The following ARL6IP4 variants were observed in gnomAD, a reference collection of about 807,000 sequenced individuals.
ARL6IP4 encodes the protein ADP-ribosylation factor-like protein 6-interacting protein 4.
In ARL6IP4, 24 loss-of-function variants were observed where a neutral mutation model predicts 28.1. The observed-to-expected ratio is 0.86, with a 90% CI of 0.62 to 1.20. ARL6IP4 has a LOEUF of 1.20. ARL6IP4 is among the 50% of genes most tolerant of loss of function. The pLI is 0.00. For synonymous variants in ARL6IP4, 162 were observed against 122.3 expected, an observed-to-expected ratio of 1.32 and a Z score of -2.14; for missense variants, 343 against 302.4, an observed-to-expected ratio of 1.13 and a Z score of -1.00.
intron 1 of ARL6IP4, 153 bp from the exon 2 acceptor site, chr12:122,980,976 C>T (rs1360178860): frequency 2.9e-6 from 4 of 1,386,972 alleles, no homozygotes; most frequent in Non-Finnish European, 3.7e-6. Flanking sequence ...ACCGGGGTCC[C>T]CAGCGCTGGG....
chr12:122,981,361 A>T, intron 2 of ARL6IP4, 62 bp downstream of exon 2: 1 of 1,502,018 alleles, frequency 6.7e-7, no homozygotes, highest in Non-Finnish European at 8.9e-7. Context: ...TCGGGCGAGC[A>T]GTGGTCGGGG....
Position 122,982,627 on chromosome 12 carries a change from C to A in ARL6IP4, c.665C>A (p.Thr222Asn). 1 of 1,614,148 alleles carries A rather than the reference C, an allele frequency of 6.2e-7. No individual in the cohort carries two copies. Among genetic ancestry groups the A allele is most frequent in the African/African-American group, 1.3e-5 (1 of 75,054 alleles). The change falls in exon 6 of 6, where the codon ACC becomes AAC. Residue 222 changes from threonine to asparagine, a missense_variant. By Grantham distance (65) the Thr-to-Asn change is moderately conservative. Coordinates refer to ENST00000315580, the MANE Select transcript of ARL6IP4 (RefSeq NM_018694.4). ...GTGTGCTTTCTTCCCCAGCAAGCCA[C>A]CCGAGGGGACTGCCTGGCCTTCCAG... ...ERHREINKQA[T>N]RGDCLAFQMR...
At position 122,982,541 on chromosome 12, in the gene ARL6IP4, G is replaced by T; in HGVS notation, c.657+3G>T. ...AACGACACAGAGAGATCAACAAGGT[G>T]GGTGTGGCCCCTCTGCCTGCCATCC... On this transcript the variant is annotated splice_donor_region_variant and intron_variant, in intron 5 of 5. Coordinates refer to ENST00000315580, the MANE Select transcript of ARL6IP4 (RefSeq NM_018694.4). 1 of 1,614,176 alleles carries T rather than the reference G, an allele frequency of 6.2e-7. No individual in the cohort carries two copies. The highest frequency in any genetic ancestry group is 8.5e-7 in the Non-Finnish European group (1 of 1,180,022).
chr12:122,980,343 C>G, upstream of ARL6IP4: 1 of 1,306,858 alleles, frequency 7.7e-7, no homozygotes, highest in South Asian at 2.9e-5. Flanking sequence ...ACTGGGTGGG[C>G]GCGTCGGAAA....
At chr12:122,981,466 G>A in intron 2 of ARL6IP4, 105 bp from the exon 3 acceptor site, 2 of 1,395,662 alleles carry the variant, frequency 1.4e-6, no homozygotes, top group Non-Finnish European at 1.9e-6. Flanking sequence ...CTCCATCTCT[G>A]TTCTGGAAAG....
intron 4 of ARL6IP4, 56 bp downstream of exon 4, chr12:122,982,130 T>TG (rs1460708356): frequency 6.3e-7 from 1 of 1,584,082 alleles, no homozygotes; most frequent in Non-Finnish European, 8.7e-7. Flanking sequence ...TGGCTGAAGA[T>TG]GTGTGCTCTC....
rs1487609423 is a variant in ARL6IP4 at position 122,982,626 on chromosome 12, A to G, written c.664A>G (p.Thr222Ala). ...ERHREINKQA[T>A]RGDCLAFQMR... ...TGTGTGCTTTCTTCCCCAGCAAGCC[A>G]CCCGAGGGGACTGCCTGGCCTTCCA... The change falls in exon 6 of 6, where the codon ACC becomes GCC. Residue 222 changes from threonine to alanine, a missense_variant. Transcript: ENST00000315580. 6.2e-7 allele frequency: 1 copy of G among 1,613,932 alleles called. No individual in the cohort carries two copies.
In ARL6IP4 at chr12:122,980,714, G is replaced by A; in HGVS notation, c.-43G>A. The A allele has an allele frequency of 7.5e-7, 1 of 1,328,342 alleles. No homozygotes were observed. Among genetic ancestry groups the A allele is most frequent in the Non-Finnish European group, 9.6e-7 (1 of 1,043,892 alleles). The allele number at this position is 1,328,342 out of a possible 1,614,324, so 82.3% of individuals were successfully genotyped here. ...CGCCGCTTCCTCTCGAGAAGGCGCG[G>A]GGCGGGCTGTCCGGCCCGCAGGGCG... is the stretch of plus-strand genomic sequence containing the variant. On this transcript the variant is annotated 5_prime_UTR_variant, in exon 1 of 6. Transcript: ENST00000315580.
chr12:122,982,757 T>C lies in ARL6IP4; in HGVS notation c.*81T>C. 2.1e-6 allele frequency: 3 copies of C among 1,397,956 alleles called. No individual in the cohort carries two copies. The South Asian group carries it at 3.5e-5, about 16-fold the overall frequency. 86.6% of individuals were successfully genotyped at this position (1,397,956 alleles called of 1,614,324 possible). A position where few individuals can be genotyped will look rare whatever the true frequency, so the allele number is the denominator to read the frequency against. On this transcript the variant is annotated 3_prime_UTR_variant, in exon 6 of 6. Transcript: ENST00000315580. ...TTCAGGGTGCCAGTGGGAAGCCTGA[T>C]GGGTGCTGGTGGCCTTTCCCCCGTG...
rs934301852 is a variant in ARL6IP4 at position 122,982,468 on chromosome 12, G to C, written c.588-1G>C. The C allele has an allele frequency of 6.2e-7, 1 of 1,612,526 alleles. No homozygotes were observed. The highest frequency in any genetic ancestry group is 8.5e-7 in the Non-Finnish European group (1 of 1,179,316). On this transcript the variant is annotated splice_acceptor_variant, in intron 4 of 5. Coordinates refer to ENST00000315580, the MANE Select transcript of ARL6IP4 (RefSeq NM_018694.4). LOFTEE classifies it high-confidence loss of function. ...CTGAACGGAGACCCTCCCACCCCCA[G>C]GCTTATTAAGGGAGATGGCGAGGTC...
Position 122,981,123 on chromosome 12 carries a change from C to T in ARL6IP4, c.-11-6C>T, listed in dbSNP as rs753014927. The stretch of plus-strand genomic sequence containing the variant: ...TTCGGCTCAAGCGCGTCTTCTTCGT[C>T]GCCAGCCCGCGGCGCCATGGCTCAC... On this transcript the variant is annotated splice_region_variant and splice_polypyrimidine_tract_variant and intron_variant, in intron 1 of 5. Coordinates refer to ENST00000315580, the MANE Select transcript of ARL6IP4 (RefSeq NM_018694.4). 52 of 1,547,132 alleles carry T rather than the reference C, an allele frequency of 3.4e-5. 2 individuals carry two copies. The Admixed American group carries it at 9.9e-4, about 29-fold the overall frequency.
At position 122,981,219 on chromosome 12, in the gene ARL6IP4, A is replaced by G. The variant is rs1291630884; in HGVS notation, c.80A>G (p.Lys27Arg). 1.9e-6 allele frequency: 3 copies of G among 1,549,832 alleles called. No individual in the cohort carries two copies. The Admixed American group carries it at 5.9e-5, about 30-fold the overall frequency. Residue 27 changes from lysine to arginine, a missense_variant, in exon 2 of 6, where the codon AAG becomes AGG. Transcript: ENST00000315580. ...CGGGGGTCGGAAAAGAGAAAGAAGA[A>G]GAGCAGGAAAGACACCTCGAGGAAC... ...RGRGSEKRKK[K>R]SRKDTSRNCS...
At position 122,981,938 on chromosome 12, in the gene ARL6IP4, C is replaced by T. The variant is rs371905600; in HGVS notation, c.470-19C>T. ...GTCGCTTCCCAAGGCCTGGCCACCACCTCCGTCTTCCCTTCCAGTCCTGAC... is the reference window on the plus strand; with the variant it reads ...GTCGCTTCCCAAGGCCTGGCCACCATCTCCGTCTTCCCTTCCAGTCCTGAC... On this transcript the variant is annotated intron_variant, in intron 3 of 5. Coordinates refer to ENST00000315580, the MANE Select transcript of ARL6IP4 (RefSeq NM_018694.4). 3.7e-6 allele frequency: 6 copies of T among 1,613,578 alleles called. No individual in the cohort carries two copies. Among genetic ancestry groups the T allele is most frequent in the South Asian group, 1.1e-5 (1 of 91,088 alleles).
At chr12:122,981,018 G>A in intron 1 of ARL6IP4, 111 bp from the exon 2 acceptor site, 1 of 1,408,752 alleles carries the variant, frequency 7.1e-7, no homozygotes, top group South Asian at 1.5e-5. Flanking sequence ...TTCCCGGGAC[G>A]GTGACGGGTA....
At chr12:122,982,095 C>T in intron 4 of ARL6IP4, 21 bp downstream of exon 4, 2 of 1,608,116 alleles carry the variant, frequency 1.2e-6, no homozygotes, top group Middle Eastern at 1.7e-4. Flanking sequence ...TTCGGCCTGA[C>T]TTACACCACA....
Position 122,981,273 on chromosome 12 carries a change from A to G in ARL6IP4, c.134A>G (p.Lys45Arg), listed in dbSNP as rs1406490664. The change falls in exon 2 of 6, where the codon AAG becomes AGG. Residue 45 changes from lysine (K) to arginine (R), a missense_variant. Transcript: ENST00000315580. ...TCGGCCTCCACATCCCAAGGTCGCAAGGCCAGCACGGCCCCTGGGGCGGAG... is the reference window on the plus strand; with the variant it reads ...TCGGCCTCCACATCCCAAGGTCGCAGGGCCAGCACGGCCCCTGGGGCGGAG... Reference protein sequence around the residue: ...NCSASTSQGRKASTAPGAEAS... With the variant: ...NCSASTSQGRRASTAPGAEAS... 1.9e-6 allele frequency: 3 copies of G among 1,549,444 alleles called. No homozygotes were observed. Among genetic ancestry groups the G allele is most frequent in the Non-Finnish European group, 2.6e-6 (3 of 1,146,282 alleles).
intron 2 of ARL6IP4, 44 bp downstream of exon 2, chr12:122,981,343 C>G: frequency 2.0e-6 from 3 of 1,514,792 alleles, no homozygotes; most frequent in South Asian, 1.3e-5. Flanking sequence ...AGTTACTACC[C>G]GGGGAAGTCG....
intron 1 of ARL6IP4, 44 bp downstream of exon 1, chr12:122,980,789 C>T: frequency 7.7e-7 from 1 of 1,303,014 alleles, no homozygotes; most frequent in South Asian, 2.4e-5. Flanking sequence ...GGCGGCGAGG[C>T]CGCGAAGGGC....
In ARL6IP4 at chr12:122,980,743, G is replaced by A; in HGVS notation, c.-14G>A. 1.8e-5 allele frequency: 24 copies of A among 1,321,462 alleles called. No homozygotes were observed. Among genetic ancestry groups the A allele is most frequent in the Non-Finnish European group, 2.3e-5 (24 of 1,040,448 alleles). 81.9% of individuals were successfully genotyped at this position (1,321,462 alleles called of 1,614,324 possible). ...GGGCTGTCCGGCCCGCAGGGCGGTC[G>A]AGGTGGGAACGGAGCAGCCCCGGGG... is the stretch of plus-strand genomic sequence containing the variant. On this transcript the variant is annotated splice_region_variant and 5_prime_UTR_variant, in exon 1 of 6. Coordinates refer to ENST00000315580, the MANE Select transcript of ARL6IP4 (RefSeq NM_018694.4).
Sources: gnomAD v4.1 joint callset for allele counts on GRCh38, gnomAD v4.1.1 for gene constraint, MANE v1.5 for transcripts, NCBI Gene and HGNC (gene_info 2026-07-23, HGNC 2026-07-21) for gene names.